NELL2: variants seen among roughly 807,000 people sequenced by gnomAD.
The protein encoded by NELL2 is neural EGFL like 2, also known as protein kinase C-binding protein NELL2.
A neutral mutation model predicts 109.6 loss-of-function variants in NELL2; 41 were observed. That is an observed-to-expected ratio of 0.37 (90% CI 0.29 to 0.49). NELL2 has a LOEUF of 0.49. Among genes scored for constraint, NELL2 ranks in the 20% least tolerant of loss-of-function variants. The pLI is 0.98. For missense variants in NELL2, 900 were observed against 1,008.3 expected, an observed-to-expected ratio of 0.89 and a Z score of 1.45; for synonymous variants, 355 against 344.7, an observed-to-expected ratio of 1.03 and a Z score of -0.33.
chr12:44,573,858 C>T (rs749454468), intron 15 of NELL2, among the ~76,000 whole-genome samples: 9 of 152,134 alleles, frequency 5.9e-5, no homozygotes, highest in Admixed American at 1.3e-4. Flanking sequence ...TAACTGTACA[C>T]AGGGAGACTA....
chr12:44,780,135 T>A, intron 3 of NELL2, 113 bp from the exon 4 acceptor site: 1 of 1,063,538 alleles, frequency 9.4e-7, no homozygotes, highest in Non-Finnish European at 1.4e-6. Flanking sequence ...TCCCACTAAG[T>A]ACAACTAGAC....
intron 13 of NELL2, among the ~76,000 whole-genome samples, chr12:44,620,217 A>C (rs1946004095): frequency 6.6e-6 from 1 of 151,448 alleles, no homozygotes; most frequent in Non-Finnish European, 1.5e-5. Flanking sequence ...TACTCTATTG[A>C]TGGTGATCAT....
intron 9 of NELL2, among the ~76,000 whole-genome samples, chr12:44,760,072 A>G (rs978620067): frequency 3.3e-5 from 5 of 152,158 alleles, no homozygotes; most frequent in African/African-American, 1.2e-4. Flanking sequence ...TTTGTTCAGC[A>G]CTTAGAATCT....
chr12:44,798,452 A>G (rs1942709599), intron 3 of NELL2, among the ~76,000 whole-genome samples: 1 of 152,122 alleles, frequency 6.6e-6, no homozygotes, highest in Non-Finnish European at 1.5e-5. Flanking sequence ...TTAAAATGAC[A>G]TCAAAATATC....
chr12:44,871,288 T>G (rs1169529255), intron 2 of NELL2, among the ~76,000 whole-genome samples: 8 of 152,194 alleles, frequency 5.3e-5, no homozygotes. Context: ...ATCTTAATGG[T>G]GATTAGGTCT....
At chr12:44,900,239 A>T (rs1402175253) in intron 1 of NELL2, among the ~76,000 whole-genome samples, 1 of 152,154 alleles carries the variant, frequency 6.6e-6, no homozygotes, top group Non-Finnish European at 1.5e-5. Context: ...CAGGACTTGA[A>T]CTCAGCTCAG....
chr12:44,698,314 GA>G, intron 12 of NELL2, among the ~76,000 whole-genome samples: 1 of 152,268 alleles, frequency 6.6e-6, no homozygotes, highest in African/African-American at 2.4e-5. Flanking sequence ...ATCAGCAAAA[GA>G]AATGATTATG....
chr12:44,607,297 T>G, intron 14 of NELL2, 33 bp from the exon 15 acceptor site: 2 of 1,578,860 alleles, frequency 1.3e-6, no homozygotes, highest in African/African-American at 2.7e-5. Context: ...TTTTAGCACT[T>G]TAGAAGTAAG....
At chr12:44,867,977 G>A (rs913345827) in intron 2 of NELL2, among the ~76,000 whole-genome samples, 4 of 151,698 alleles carry the variant, frequency 2.6e-5, no homozygotes, top group Admixed American at 6.6e-5. Flanking sequence ...AAAATTAGCC[G>A]GGTGTAGTGA....
intron 15 of NELL2, among the ~76,000 whole-genome samples, chr12:44,545,158 A>G (rs1380903234): frequency 6.6e-6 from 1 of 152,132 alleles, no homozygotes; most frequent in African/African-American, 2.4e-5. Context: ...TCTCTGATAC[A>G]TGAATGAGTT....
At chr12:44,675,529 C>T (rs1279944907) in intron 12 of NELL2, among the ~76,000 whole-genome samples, 1 of 151,872 alleles carries the variant, frequency 6.6e-6, no homozygotes, top group Non-Finnish European at 1.5e-5. Context: ...TTATAAATTC[C>T]CTTTTATCCT....
intron 1 of NELL2, among the ~76,000 whole-genome samples, chr12:44,881,548 G>A (rs1945411929): frequency 6.6e-6 from 1 of 151,878 alleles, no homozygotes; most frequent in African/African-American, 2.4e-5. Context: ...ATAAAGGAAA[G>A]AATCAGTGAG....
chr12:44,545,940 A>T (rs1027330214), intron 15 of NELL2, among the ~76,000 whole-genome samples: 20 of 152,120 alleles, frequency 1.3e-4, no homozygotes, highest in African/African-American at 4.3e-4. Context: ...CAGAAGAAAA[A>T]ATCTGATTTT....
At chr12:44,563,859 T>C (rs1189680636) in intron 15 of NELL2, among the ~76,000 whole-genome samples, 1 of 152,196 alleles carries the variant, frequency 6.6e-6, no homozygotes, top group Non-Finnish European at 1.5e-5. Context: ...ATGCAGAGAA[T>C]TACCAGTTTG....
chr12:44,644,600 ATATGTATG>A (rs1194155980), intron 13 of NELL2, among the ~76,000 whole-genome samples: 3 of 91,504 alleles, frequency 3.3e-5, no homozygotes, highest in Admixed American at 1.2e-4. Flanking sequence ...ATATATATAT[ATATGTATG>A]TATATATATA....
At chr12:44,581,532 T>A (rs1250886651) in intron 15 of NELL2, among the ~76,000 whole-genome samples, 1 of 152,194 alleles carries the variant, frequency 6.6e-6, no homozygotes, top group Non-Finnish European at 1.5e-5. Flanking sequence ...CTGAAAGGAA[T>A]GAGTTTTAGC....
intron 2 of NELL2, among the ~76,000 whole-genome samples, chr12:44,871,609 C>T (rs11182723): frequency 0.04 from 6,060 of 152,184 alleles, 207 homozygotes; most frequent in East Asian, 0.18. Context: ...TGGGCACCAA[C>T]AGCCATCACT....
At chr12:44,695,034 T>G (rs1592351139) in intron 12 of NELL2, among the ~76,000 whole-genome samples, 12 of 99,528 alleles carry the variant, frequency 1.2e-4, no homozygotes, top group South Asian at 2.9e-4. Flanking sequence ...AAGGAAAAAA[T>G]GAAGGAAGGA....
intron 13 of NELL2, among the ~76,000 whole-genome samples, chr12:44,621,928 ATGAGTTAGTATTACACCAGC>A (rs35683431): frequency 0.13 from 20,014 of 152,102 alleles, 1,791 homozygotes; most frequent in East Asian, 0.35. Flanking sequence ...GTAGCGCTTC[ATGAGTTAGTATTACACCAGC>A]TGTCCTCACG....
Sources: allele counts gnomAD v4.1 joint callset (sites outside exome capture counted in the v4.1 genomes callset), GRCh38; gene constraint gnomAD v4.1.1; transcripts MANE v1.5; gene names NCBI Gene and HGNC (gene_info 2026-07-23, HGNC 2026-07-21).